The following CNPY1 variants were observed in gnomAD, a reference collection of about 807,000 sequenced individuals.
CNPY1 encodes canopy FGF signaling regulator 1.
CNPY1 carries 14 observed loss-of-function variants against 14.4 expected under a neutral mutation model. That is an observed-to-expected ratio of 0.97 (90% CI 0.64 to 1.52). The LOEUF (loss-of-function observed/expected upper bound fraction) is 1.52, where lower values mean the gene tolerates loss of function less well. Ranked by LOEUF, CNPY1 falls within the 40% of genes most tolerant of loss-of-function variation. The pLI, the probability that CNPY1 is intolerant of heterozygous loss-of-function variation, is 0.00. For synonymous variants in CNPY1, 43 were observed against 46.5 expected (o/e 0.92, Z 0.31); for missense variants, 129 against 131.5 (o/e 0.98, Z 0.09).
At chr7:155,530,186 T>C (rs1796911888) in intron 2 of CNPY1, among the ~76,000 whole-genome samples, 1 of 152,112 alleles carries the variant, frequency 6.6e-6, no homozygotes, top group Admixed American at 6.6e-5. Context: ...CTTAGCCTCT[T>C]CCTGTCCTGC....
intron 2 of CNPY1, among the ~76,000 whole-genome samples, chr7:155,520,445 T>C (rs1796699259): frequency 2.8e-5 from 4 of 140,490 alleles, no homozygotes; most frequent in Admixed American, 2.1e-4. Flanking sequence ...TTTTTTTTTT[T>C]TTTTTTTTTG....
chr7:155,510,701 T>C (rs758159195), intron 2 of CNPY1, among the ~76,000 whole-genome samples: 8 of 152,254 alleles, frequency 5.3e-5, no homozygotes, highest in Non-Finnish European at 8.8e-5. Context: ...TGGCTCAAAG[T>C]GCACATTTCA....
At position 155,509,049 on chromosome 7, in the gene CNPY1, C is replaced by T; in HGVS notation, c.148G>A (p.Val50Ile). 1 of 1,608,292 alleles carries T rather than the reference C, an allele frequency of 6.2e-7. No individual in the cohort carries two copies. Among genetic ancestry groups the T allele is most frequent in the South Asian group, 1.1e-5 (1 of 89,572 alleles). ...TTGTAGTCGTTCATTCGCTCACAGA[C>T]TTTCTCCAAAAGATCCGTTAGGAAC... ...EAFLTDLLEK[V>I]CERMNDYKLE... Residue 50 changes from valine (V) to isoleucine (I), a missense_variant, in exon 3 of 5, where the codon GTC (valine) becomes ATC (isoleucine). Physicochemically the swap from Val to Ile is conservative, Grantham distance 29. Transcript: ENST00000636446.
intron 2 of CNPY1, among the ~76,000 whole-genome samples, chr7:155,542,683 G>A (rs868084063): frequency 6.6e-6 from 1 of 152,220 alleles, no homozygotes; most frequent in Non-Finnish European, 1.5e-5. Flanking sequence ...CATGCAGGCT[G>A]TCGTGGGCAC....
At chr7:155,543,861 C>T (rs916004314) in intron 2 of CNPY1, among the ~76,000 whole-genome samples, 16 of 152,218 alleles carry the variant, frequency 1.1e-4, no homozygotes, top group Admixed American at 7.9e-4. Context: ...CTTGTAGCTG[C>T]GACTCTAAGA....
intron 2 of CNPY1, among the ~76,000 whole-genome samples, chr7:155,527,054 C>CTTTCTTTTTTTTTTTTTTTTT (rs56296833): frequency 1.1e-5 from 1 of 90,344 alleles, no homozygotes; most frequent in African/African-American, 5.1e-5. Context: ...TTCTTTCTTT[C>CTTTCTTTTTTTTTTTTTTTTT]TTTTTTTTTT....
intron 2 of CNPY1, among the ~76,000 whole-genome samples, chr7:155,517,505 A>G (rs1031865645): frequency 1.3e-5 from 2 of 152,162 alleles, no homozygotes; most frequent in Non-Finnish European, 2.9e-5. Context: ...GCCCAAGCCC[A>G]TGGATCTGAG....
At chr7:155,526,669 C>T (rs868293438) in intron 2 of CNPY1, among the ~76,000 whole-genome samples, 3 of 152,270 alleles carry the variant, frequency 2.0e-5, no homozygotes, top group Middle Eastern at 3.4e-3. Flanking sequence ...AAGGCAATAG[C>T]GAAATACCAT....
chr7:155,538,807 C>T (rs1001174728), intron 2 of CNPY1, among the ~76,000 whole-genome samples: 6 of 152,226 alleles, frequency 3.9e-5, no homozygotes, highest in African/African-American at 1.2e-4. Flanking sequence ...ACCTCCTGCC[C>T]ACCCCACTCA....
At chr7:155,534,894 A>T (rs1797005258) in intron 2 of CNPY1, among the ~76,000 whole-genome samples, 1 of 152,210 alleles carries the variant, frequency 6.6e-6, no homozygotes, top group African/African-American at 2.4e-5. Context: ...TCTGTGGACA[A>T]GAGATGCTGG....
intron 2 of CNPY1, among the ~76,000 whole-genome samples, chr7:155,521,055 G>GAAGGAAGGAAGAAAGGAAGGAAGGAAGC (rs1796712609): frequency 1.0e-5 from 1 of 99,310 alleles, no homozygotes; most frequent in South Asian, 2.8e-4. Context: ...AAAAAAGAAA[G>GAAGGAAGGAAGAAAGGAAGGAAGGAAGC]AAGGAAGGAA....
chr7:155,525,272 C>G (rs541233957), intron 2 of CNPY1, among the ~76,000 whole-genome samples: 1 of 152,178 alleles, frequency 6.6e-6, no homozygotes, highest in Non-Finnish European at 1.5e-5. Context: ...CCTCCGCCTC[C>G]TGGGTTCAAG....
chr7:155,518,320 CTG>C (rs1339823815), intron 2 of CNPY1: 3 of 156,986 alleles, frequency 1.9e-5, no homozygotes, highest in Admixed American at 6.5e-5. Flanking sequence ...TACCTGCTGA[CTG>C]TTTTATATTC....
Position 155,502,314 on chromosome 7 carries a change from AAAAC to A in CNPY1, c.*750_*753del, listed in dbSNP as rs1479987687. On this transcript the variant is annotated 3_prime_UTR_variant, in exon 5 of 5. Coordinates refer to ENST00000636446, the MANE Select transcript of CNPY1 (RefSeq NM_001393663.1). ...AGCCAAAAAAAAAACGTTTAGAAGA[AAAAC>A]AAACAAGCCAGAAGAGTTTGGAGCG... is the stretch of plus-strand genomic sequence containing the variant. 2.6e-5 allele frequency: 4 copies of A among 152,234 alleles called. No individual in the cohort carries two copies. Among genetic ancestry groups the A allele is most frequent in the African/African-American group, 4.8e-5 (2 of 41,468 alleles). 9.4% of individuals were successfully genotyped at this position (152,234 alleles called of 1,614,324 possible).
At chr7:155,527,062 T>TTC (rs1257674119) in intron 2 of CNPY1, among the ~76,000 whole-genome samples, 3 of 16,346 alleles carry the variant, frequency 1.8e-4, no homozygotes, top group Admixed American at 7.3e-4. Context: ...TTCTTTTTTT[T>TTC]TTTTTTTTTG....
chr7:155,512,974 A>C (rs1796556829), intron 2 of CNPY1, among the ~76,000 whole-genome samples: 1 of 152,244 alleles, frequency 6.6e-6, no homozygotes, highest in Non-Finnish European at 1.5e-5. Flanking sequence ...AATTGAAATC[A>C]CTGCTGATAT....
intron 2 of CNPY1, among the ~76,000 whole-genome samples, chr7:155,524,144 G>C (rs1165659990): frequency 2.0e-5 from 3 of 152,240 alleles, no homozygotes; most frequent in Admixed American, 6.5e-5. Flanking sequence ...GGAAGCCGGA[G>C]GTGCTAACGG....
At chr7:155,521,595 C>T (rs1363713295) in intron 2 of CNPY1, among the ~76,000 whole-genome samples, 5 of 152,160 alleles carry the variant, frequency 3.3e-5, no homozygotes, top group East Asian at 3.8e-4. Flanking sequence ...CCTGGGCCGC[C>T]GCCTTGTTTA....
chr7:155,544,092 A>C (rs868502280), intron 2 of CNPY1, among the ~76,000 whole-genome samples: 2 of 152,186 alleles, frequency 1.3e-5, no homozygotes, highest in Admixed American at 1.3e-4. Context: ...AGGACCCCCA[A>C]ACGTGGACTC....
Sources: gnomAD v4.1 joint callset for allele counts (sites outside exome capture counted in the v4.1 genomes callset) on GRCh38, gnomAD v4.1.1 for gene constraint, MANE v1.5 for transcripts, NCBI Gene and HGNC (gene_info 2026-07-23, HGNC 2026-07-21) for gene names.